The following B4GALT6 variants were observed in gnomAD, a reference collection of about 807,000 sequenced individuals.
B4GALT6 encodes the protein beta-1,4-galactosyltransferase 6.
A neutral mutation model predicts 46.3 loss-of-function variants in B4GALT6; 14 were observed. The ratio of observed to expected loss-of-function variants is 0.30; its 90% CI spans 0.20 to 0.47. The LOEUF (loss-of-function observed/expected upper bound fraction) is 0.47. Ranked by LOEUF, B4GALT6 falls within the 20% of genes least tolerant of loss-of-function variation. B4GALT6 has a pLI of 0.99. For missense variants in B4GALT6, 386 were observed against 480.1 expected (o/e 0.80, Z 1.83); for synonymous variants, 168 against 162.0 (o/e 1.04, Z -0.28).
the B4GALT6 span, among the ~76,000 whole-genome samples, chr18:31,711,146 G>A: frequency 6.6e-6 from 1 of 152,160 alleles, no homozygotes; most frequent in African/African-American, 2.4e-5. Context: ...TTAAAAATTT[G>A]TACAAAAATG....
chr18:31,674,124 C>T (rs2074388706), intron 1 of B4GALT6, among the ~76,000 whole-genome samples: 1 of 152,234 alleles, frequency 6.6e-6, no homozygotes, highest in South Asian at 2.1e-4. Context: ...TTTAAGCCAA[C>T]ATGTGGTAAT....
At chr18:31,690,461 G>A (rs751514142), upstream of B4GALT6, among the ~76,000 whole-genome samples, 2 of 147,944 alleles carry the variant, frequency 1.4e-5, no homozygotes, top group Non-Finnish European at 1.5e-5. Context: ...TGTTGTTTTT[G>A]TTTTGTTTTG....
chr18:31,666,936 A>C (rs1301874562), intron 1 of B4GALT6, among the ~76,000 whole-genome samples: 1 of 152,166 alleles, frequency 6.6e-6, no homozygotes, highest in African/African-American at 2.4e-5. Context: ...ACTCCCTTTC[A>C]ATCACAAATC....
intron 3 of B4GALT6, among the ~76,000 whole-genome samples, chr18:31,645,742 A>G (rs919095614): frequency 6.6e-6 from 1 of 152,218 alleles, no homozygotes; most frequent in African/African-American, 2.4e-5. Flanking sequence ...TGGGTAATAT[A>G]TTGAATAATT....
upstream of B4GALT6, among the ~76,000 whole-genome samples, chr18:31,690,579 G>A (rs1380239571): frequency 1.3e-5 from 2 of 151,532 alleles, no homozygotes; most frequent in African/African-American, 4.9e-5. Flanking sequence ...AAGCGCTTCT[G>A]CTGGCCTCAG....
At chr18:31,672,368 C>T (rs541855470) in intron 1 of B4GALT6, among the ~76,000 whole-genome samples, 7 of 152,142 alleles carry the variant, frequency 4.6e-5, no homozygotes, top group Non-Finnish European at 1.0e-4. Flanking sequence ...TTTGGGGAGA[C>T]ATTCAATAAA....
chr18:31,663,335 G>A (rs1567976432), intron 2 of B4GALT6, among the ~76,000 whole-genome samples: 1 of 152,186 alleles, frequency 6.6e-6, no homozygotes, highest in Non-Finnish European at 1.5e-5. Flanking sequence ...CATCAAATGA[G>A]GAGGCATGCT....
At chr18:31,702,714 T>C in the B4GALT6 span, among the ~76,000 whole-genome samples, 1 of 151,726 alleles carries the variant, frequency 6.6e-6, no homozygotes, top group Non-Finnish European at 1.5e-5. Flanking sequence ...AAGAAGAGAG[T>C]AGCTGGAGAG....
intron 2 of B4GALT6, among the ~76,000 whole-genome samples, chr18:31,659,970 T>TTTTTTTTAAAA (rs2074192610): frequency 7.3e-6 from 1 of 137,820 alleles, no homozygotes. Flanking sequence ...TTTTTTTTTT[T>TTTTTTTTAAAA]GAGACAGGAT....
In B4GALT6 at chr18:31,658,293, G is replaced by T. The variant is rs184218524; in HGVS notation, c.233-204C>A. On this transcript the variant is annotated intron_variant, in intron 2 of 8. Coordinates refer to ENST00000306851, the MANE Select transcript of B4GALT6 (RefSeq NM_004775.5). ...AGCATGATTTCCCAAGAGACATCTA[G>T]AGAGCAGCACACCCTTATCCTTGCA... The T allele has an allele frequency of 1.8e-3, 871 of 474,276 alleles. 7 individuals are homozygous for T. The highest frequency in any genetic ancestry group is 5.6e-3 in the African/African-American group (290 of 51,618). The allele number at this position is 474,276 out of a possible 1,614,324, so 29.4% of individuals were successfully genotyped here. A position where few individuals can be genotyped will look rare whatever the true frequency, so the allele number is the denominator to read the frequency against.
chr18:31,680,693 G>A lies in B4GALT6; in HGVS notation c.115+3619C>T, dbSNP rs547898208. On this transcript the variant is annotated intron_variant, in intron 1 of 8. Coordinates refer to ENST00000306851, the MANE Select transcript of B4GALT6 (RefSeq NM_004775.5). ...CATTATATAGCCCCACTGATTACAG[G>A]CACTATCAATTTATTTTGTAATCAC... 1.1e-4 allele frequency among the ~76,000 whole-genome samples: 16 copies of A among 152,294 alleles called. No individual in the cohort carries two copies. In the South Asian group the frequency reaches 3.3e-3, roughly 32 times the overall value.
intron 5 of B4GALT6, among the ~76,000 whole-genome samples, chr18:31,637,390 C>CTTTT (rs58990857): frequency 8.6e-6 from 1 of 116,010 alleles, no homozygotes; most frequent in Non-Finnish European, 1.8e-5. Flanking sequence ...GCAATGTATG[C>CTTTT]TTTTTTTTTT....
intron 4 of B4GALT6, among the ~76,000 whole-genome samples, chr18:31,641,475 C>G (rs528912336): frequency 2.6e-5 from 4 of 152,338 alleles, no homozygotes; most frequent in Non-Finnish European, 5.9e-5. Context: ...AAAAGTTCAT[C>G]TGGCACATCA....
rs563898745 is a variant in B4GALT6 at position 31,678,762 on chromosome 18, C to G, written c.115+5550G>C. On this transcript the variant is annotated intron_variant, in intron 1 of 8. Transcript: ENST00000306851. ...GCTCTTGGGGCTGCTCTGCTCATAG[C>G]TCTGGCTCCAGAAACCAATGCTTCT... is the stretch of plus-strand genomic sequence containing the variant. Among the ~76,000 whole-genome samples the G allele has an allele frequency of 5.9e-5, 9 of 152,354 alleles. No homozygotes were observed. The South Asian group carries it at 1.2e-3, about 21-fold the overall frequency.
chr18:31,703,236 A>G, the B4GALT6 span, among the ~76,000 whole-genome samples: 672 of 152,308 alleles, frequency 4.4e-3, 3 homozygotes, highest in South Asian at 0.016. Flanking sequence ...TTCTTTCTTC[A>G]TAAGAATGGG....
At chr18:31,651,411 C>T (rs142173879) in intron 3 of B4GALT6, among the ~76,000 whole-genome samples, 1 of 152,082 alleles carries the variant, frequency 6.6e-6, no homozygotes, top group African/African-American at 2.4e-5. Flanking sequence ...GGGTGGGGGG[C>T]TCTCTAGGAT....
chr18:31,693,802 T>C, the B4GALT6 span, among the ~76,000 whole-genome samples: 2 of 151,960 alleles, frequency 1.3e-5, no homozygotes, highest in Non-Finnish European at 2.9e-5. Flanking sequence ...ACTCCATCTC[T>C]ATAAAAAATG....
At chr18:31,633,354 G>A (rs767383537) in intron 5 of B4GALT6, among the ~76,000 whole-genome samples, 10 of 152,182 alleles carry the variant, frequency 6.6e-5, no homozygotes, top group East Asian at 5.8e-4. Context: ...GGTTTTAAGC[G>A]GAGGAGAGAC....
the B4GALT6 span, among the ~76,000 whole-genome samples, chr18:31,701,123 G>A: frequency 1.3e-5 from 2 of 152,140 alleles, no homozygotes; most frequent in South Asian, 2.1e-4. Context: ...ATGTTGAATC[G>A]TAATCCCCAA....
Sources: gnomAD v4.1 joint callset for allele counts (sites outside exome capture counted in the v4.1 genomes callset) on GRCh38, gnomAD v4.1.1 for gene constraint, MANE v1.5 for transcripts, NCBI Gene and HGNC (gene_info 2026-07-23, HGNC 2026-07-21) for gene names.